Variants in STYXL1 observed in about 807,000 individuals in gnomAD.
STYXL1 encodes the protein serine/threonine/tyrosine-interacting-like protein 1.
A neutral mutation model predicts 36.4 loss-of-function variants in STYXL1; 32 were observed. The ratio of observed to expected loss-of-function variants is 0.88; its 90% confidence interval spans 0.66 to 1.18. The LOEUF is 1.18. Ranked by LOEUF, STYXL1 falls within the 50% of genes most tolerant of loss-of-function variation. The pLI is 0.00. For synonymous variants in STYXL1, 133 were observed against 144.1 expected (o/e 0.92, Z 0.55); for missense variants, 354 against 394.1 (o/e 0.90, Z 0.86).
At chr7:76,026,248 G>T (rs1794712477) in intron 3 of STYXL1, among the ~76,000 whole-genome samples, 1 of 136,252 alleles carries the variant, frequency 7.3e-6, no homozygotes, top group Non-Finnish European at 1.6e-5. Flanking sequence ...GACAGGGTGT[G>T]GAAAAGTACA....
intron 1 of STYXL1, among the ~76,000 whole-genome samples, chr7:76,046,325 TGTGTGTGTGTGTGTGCGCGC>T (rs1201547121): frequency 0.014 from 270 of 18,694 alleles, 3 homozygotes; most frequent in Admixed American, 0.035. Context: ...TGTGTGTGTG[TGTGTGTGTGTGTGTGCGCGC>T]GCGCGCGCGC....
chr7:75,997,230 G>A (rs1280234230), intron 8 of STYXL1, among the ~76,000 whole-genome samples: 1 of 152,200 alleles, frequency 6.6e-6, no homozygotes, highest in South Asian at 2.1e-4. Context: ...TCAGGAGTTC[G>A]AGACTAGCCT....
chr7:76,000,595 C>A, intron 8 of STYXL1: 1 of 522,518 alleles, frequency 1.9e-6, no homozygotes, highest in Non-Finnish European at 3.7e-6. Flanking sequence ...AGCAGTTCTC[C>A]CTTGGGCAAC....
At position 76,013,770 on chromosome 7, in the gene STYXL1, C is replaced by T. The variant is rs782434827; in HGVS notation, c.425G>A (p.Arg142Gln). 9 of 1,613,748 alleles carry T rather than the reference C, an allele frequency of 5.6e-6. No homozygotes were observed. Among genetic ancestry groups the T allele is most frequent in the South Asian group, 1.1e-5 (1 of 91,076 alleles). Residue 142 changes from arginine to glutamine, a missense_variant, in exon 5 of 9, where the codon CGG (arginine) becomes CAG (glutamine). By Grantham distance (43) the Arg-to-Gln change is conservative. Coordinates refer to ENST00000359697, the MANE Select transcript of STYXL1 (RefSeq NM_001317785.2). The part of the protein sequence containing the change: ...ERFSGTYHFL[R>Q]TQKIIWMPQE... The stretch of plus-strand genomic sequence containing the variant: ...AGGCATCCAGATGATCTTCTGGGTC[C>T]GGAGAAAGTGGTACGTGCCTGAGAA...
intron 1 of STYXL1, among the ~76,000 whole-genome samples, chr7:76,046,966 A>T (rs1585382687): frequency 6.7e-6 from 1 of 150,186 alleles, no homozygotes; most frequent in East Asian, 2.1e-4. Flanking sequence ...GTTTAATTTT[A>T]AAAATATGTA....
rs531041303 is a variant in STYXL1 at position 76,024,975 on chromosome 7, C to T, written c.166-2983G>A. 7.6e-5 allele frequency among the ~76,000 whole-genome samples: 9 copies of T among 118,954 alleles called. No individual in the cohort carries two copies. In the South Asian group the frequency reaches 1.5e-3, roughly 19 times the overall value. The allele number at this position is 118,954 out of a possible 152,430, so 78.0% of individuals were successfully genotyped here. A position where few individuals can be genotyped will look rare whatever the true frequency, so the allele number is the denominator to read the frequency against. On this transcript the variant is annotated intron_variant, in intron 3 of 8. Transcript: ENST00000359697. Reference sequence around the variant, plus strand: ...AAAAAAAAAAAAAAAAAAAATTCAACAGTACGACATATTCTGTTTTCAAAA... The same window carrying T: ...AAAAAAAAAAAAAAAAAAAATTCAATAGTACGACATATTCTGTTTTCAAAA...
intron 1 of STYXL1, among the ~76,000 whole-genome samples, chr7:76,034,577 C>G (rs1359117279): frequency 1.3e-5 from 2 of 152,056 alleles, no homozygotes; most frequent in African/African-American, 4.8e-5. Context: ...GCTTACTTTC[C>G]TTTTTTTCTG....
In STYXL1 at chr7:76,021,886, T is replaced by C. The variant is rs1181080046; in HGVS notation, c.272A>G (p.Asp91Gly). The C allele has an allele frequency of 6.2e-7, 1 of 1,613,630 alleles. No individual in the cohort carries two copies. The highest frequency in any genetic ancestry group is 1.3e-5 in the African/African-American group (1 of 74,896). ...ACCATCAGAGTCTGAATCATCATCA[T>C]CATCTTTTAAGAGTATCTCCAGGGT... ...SSTLEILLKDDDDDSDSDGDG... is the reference protein window; with the variant it reads ...SSTLEILLKDGDDDSDSDGDG... The change falls in exon 4 of 9, where the codon GAT becomes GGT. Residue 91 changes from aspartate to glycine, a missense_variant. Transcript: ENST00000359697.
chr7:75,997,670 C>T (rs1790306497), intron 8 of STYXL1, among the ~76,000 whole-genome samples: 1 of 152,084 alleles, frequency 6.6e-6, no homozygotes, highest in South Asian at 2.1e-4. Context: ...AGTAACCTTA[C>T]CTCTGGTTTG....
intron 1 of STYXL1, among the ~76,000 whole-genome samples, chr7:76,031,331 CAAAAAAAAA>C (rs60550486): frequency 1.7e-4 from 7 of 42,302 alleles, no homozygotes; most frequent in Admixed American, 5.2e-4. Context: ...ACTCTGTCTC[CAAAAAAAAA>C]AAAAAAAAAA....
chr7:76,021,469 C>T (rs1166066548), intron 4 of STYXL1, among the ~76,000 whole-genome samples: 7 of 152,094 alleles, frequency 4.6e-5, no homozygotes, highest in African/African-American at 1.2e-4. Context: ...TTTCAGGTCC[C>T]GCGTACTGAT....
At chr7:76,011,930 AC>A (rs782260728) in intron 5 of STYXL1, among the ~76,000 whole-genome samples, 2 of 152,236 alleles carry the variant, frequency 1.3e-5, no homozygotes, top group Non-Finnish European at 2.9e-5. Flanking sequence ...TTTTGTTTTG[AC>A]AAAACTGACC....
chr7:76,020,478 T>C (rs1793929576), intron 4 of STYXL1, among the ~76,000 whole-genome samples: 1 of 152,170 alleles, frequency 6.6e-6, no homozygotes, highest in South Asian at 2.1e-4. Flanking sequence ...ACATTGGAAC[T>C]GACCACGCTT....
Position 76,005,331 on chromosome 7 carries a change from G to A in STYXL1, c.527C>T (p.Ala176Val). 6.2e-7 allele frequency: 1 copy of A among 1,613,516 alleles called. No individual in the cohort carries two copies. The highest frequency in any genetic ancestry group is 1.1e-5 in the South Asian group (1 of 91,034). The change falls in exon 6 of 9, where the codon GCC (alanine) becomes GTC (valine). Residue 176 changes from alanine (A) to valine (V), a missense_variant. Ala to Val is a moderately conservative substitution (Grantham distance 64). Transcript: ENST00000359697. ...GKVFVGNFSQACDPKIQKDLK... is the reference protein window; with the variant it reads ...GKVFVGNFSQVCDPKIQKDLK... The stretch of plus-strand genomic sequence containing the variant: ...GTCCTTCTGAATCTTGGGGTCACAG[G>A]CTTGACTGAAATTGCCAACGAAGAC...
chr7:76,015,990 A>G (rs1239222193), intron 4 of STYXL1, among the ~76,000 whole-genome samples: 3 of 152,138 alleles, frequency 2.0e-5, no homozygotes, highest in Admixed American at 6.6e-5. Context: ...TGGGACTCAC[A>G]CTGGCTTCCT....
intron 1 of STYXL1, among the ~76,000 whole-genome samples, chr7:76,043,578 A>G (rs1796685599): frequency 6.6e-6 from 1 of 152,116 alleles, no homozygotes; most frequent in Non-Finnish European, 1.5e-5. Context: ...CCACCTGATC[A>G]TGGGAACTGG....
At chr7:76,024,675 G>A (rs1794466396) in intron 3 of STYXL1, among the ~76,000 whole-genome samples, 1 of 151,640 alleles carries the variant, frequency 6.6e-6, no homozygotes, top group Non-Finnish European at 1.5e-5. Flanking sequence ...AATTGGCCAG[G>A]TGCGGTGGCT....
At chr7:76,004,827 C>T (rs1382505214) in intron 6 of STYXL1, among the ~76,000 whole-genome samples, 6 of 152,002 alleles carry the variant, frequency 3.9e-5, no homozygotes, top group African/African-American at 1.5e-4. Flanking sequence ...CGGTGAAACC[C>T]CATCTCTACT....
intron 1 of STYXL1, among the ~76,000 whole-genome samples, chr7:76,035,588 T>G (rs1343984165): frequency 1.3e-5 from 2 of 149,856 alleles, no homozygotes; most frequent in South Asian, 4.4e-4. Flanking sequence ...CTTAAGGATC[T>G]CCTCACTCCC....
Sources: gnomAD v4.1 joint callset for allele counts (sites outside exome capture counted in the v4.1 genomes callset) on GRCh38, gnomAD v4.1.1 for gene constraint, MANE v1.5 for transcripts, NCBI Gene and HGNC (gene_info 2026-07-23, HGNC 2026-07-21) for gene names.